Variants in FSTL4 observed in about 807,000 individuals in gnomAD.
FSTL4 encodes follistatin like 4, also known as follistatin-related protein 4.
In FSTL4, 28 loss-of-function variants were observed where a neutral mutation model predicts 78.2. The ratio of observed to expected loss-of-function variants is 0.36; its 90% CI spans 0.27 to 0.49. The LOEUF (loss-of-function observed/expected upper bound fraction) is 0.49, where lower values mean the gene tolerates loss of function less well. Ranked by LOEUF, FSTL4 falls within the 20% of genes least tolerant of loss-of-function variation. The probability of loss-of-function intolerance (pLI) is 0.98; values close to 1 mark genes in which losing one functional copy is unlikely to be tolerated. For synonymous variants in FSTL4, 422 were observed against 440.5 expected, an observed-to-expected ratio of 0.96 and a Z score of 0.53; for missense variants, 922 against 1,084.9, an observed-to-expected ratio of 0.85 and a Z score of 2.11.
At chr5:133,691,646 G>A in the FSTL4 span, among the ~76,000 whole-genome samples, 12 of 152,198 alleles carry the variant, frequency 7.9e-5, no homozygotes, top group South Asian at 2.5e-3. Flanking sequence ...ATTCATCCCT[G>A]TAGGACTGAA....
At chr5:133,770,841 AG>A in the FSTL4 span, among the ~76,000 whole-genome samples, 2 of 152,068 alleles carry the variant, frequency 1.3e-5, no homozygotes, top group Non-Finnish European at 2.9e-5. Context: ...GTTTTCTTCT[AG>A]GATTTTTACA....
chr5:133,427,760 G>T (rs1041155000), intron 3 of FSTL4: 3 of 487,450 alleles, frequency 6.2e-6, no homozygotes, highest in Non-Finnish European at 8.9e-6. Context: ...AAGCCCTACA[G>T]GGTTGCAACT....
intron 12 of FSTL4, among the ~76,000 whole-genome samples, chr5:133,220,266 G>A (rs1751049096): frequency 6.6e-6 from 1 of 152,258 alleles, no homozygotes; most frequent in South Asian, 2.1e-4. Flanking sequence ...ACAAGCCAGA[G>A]GAACAGAGGC....
chr5:133,637,910 C>G, the FSTL4 span, among the ~76,000 whole-genome samples: 1 of 151,316 alleles, frequency 6.6e-6, no homozygotes, highest in Non-Finnish European at 1.5e-5. Flanking sequence ...CACTGCACTC[C>G]AGCCTGGGTG....
the FSTL4 span, among the ~76,000 whole-genome samples, chr5:133,736,344 C>G: frequency 6.6e-6 from 1 of 152,144 alleles, no homozygotes; most frequent in Non-Finnish European, 1.5e-5. Context: ...ACAACCCACT[C>G]CCATGGATAC....
At chr5:133,639,046 G>A in the FSTL4 span, among the ~76,000 whole-genome samples, 1 of 152,158 alleles carries the variant, frequency 6.6e-6, no homozygotes, top group Non-Finnish European at 1.5e-5. Context: ...CATGTGCCAT[G>A]GTGGTTTGCT....
chr5:133,323,403 G>C (rs1222842354), intron 4 of FSTL4, among the ~76,000 whole-genome samples: 1 of 152,236 alleles, frequency 6.6e-6, no homozygotes, highest in African/African-American at 2.4e-5. Flanking sequence ...AGCCCCAAGG[G>C]AGGGGTATGG....
At chr5:133,245,675 C>G (rs1266297991) in intron 7 of FSTL4, among the ~76,000 whole-genome samples, 1 of 152,162 alleles carries the variant, frequency 6.6e-6, no homozygotes, top group East Asian at 1.9e-4. Flanking sequence ...AGGCACTTAG[C>G]AAGTGAGTCA....
the FSTL4 span, among the ~76,000 whole-genome samples, chr5:133,714,466 G>T: frequency 2.2e-4 from 34 of 152,222 alleles, 1 homozygote; most frequent in Admixed American, 2.6e-4. Flanking sequence ...AGGAAGATGA[G>T]AGCTCTGCAG....
chr5:133,288,590 G>C (rs1561658036), intron 6 of FSTL4, among the ~76,000 whole-genome samples: 2 of 152,270 alleles, frequency 1.3e-5, no homozygotes, highest in Non-Finnish European at 2.9e-5. Flanking sequence ...CCCCCAGCAA[G>C]AAACTCATCA....
intron 3 of FSTL4, among the ~76,000 whole-genome samples, chr5:133,490,605 T>G (rs1385435800): frequency 2.6e-5 from 4 of 152,350 alleles, no homozygotes; most frequent in Admixed American, 6.5e-5. Flanking sequence ...TTCTAAACTT[T>G]CAGCGATTTC....
intron 3 of FSTL4, among the ~76,000 whole-genome samples, chr5:133,526,066 A>G (rs1187866912): frequency 6.6e-6 from 1 of 152,200 alleles, no homozygotes; most frequent in Non-Finnish European, 1.5e-5. Flanking sequence ...GGCCCTGAGG[A>G]AAGCACGACT....
chr5:133,349,480 T>C (rs969328286), intron 4 of FSTL4, among the ~76,000 whole-genome samples: 9 of 152,226 alleles, frequency 5.9e-5, no homozygotes, highest in Admixed American at 3.9e-4. Flanking sequence ...CCAAATGTCA[T>C]GCTGCCATGT....
At chr5:133,652,545 T>C in the FSTL4 span, among the ~76,000 whole-genome samples, 1 of 152,224 alleles carries the variant, frequency 6.6e-6, no homozygotes, top group Non-Finnish European at 1.5e-5. Flanking sequence ...AATTTCACAG[T>C]ATTTGGGGAT....
In FSTL4 at chr5:133,233,400, T is replaced by G. The variant is rs1392877663; in HGVS notation, c.1015+17A>C. 1.2e-6 allele frequency: 2 copies of G among 1,613,862 alleles called. No homozygotes were observed. The highest frequency in any genetic ancestry group is 1.7e-5 in the Admixed American group (1 of 60,028). ...GGAGGCTATGAGGGGACAACATGCATGGAGCCATTTACTAACCATTCACCT... is the reference window on the plus strand; with the variant it reads ...GGAGGCTATGAGGGGACAACATGCAGGGAGCCATTTACTAACCATTCACCT... On this transcript the variant is annotated intron_variant, in intron 8 of 15. Coordinates refer to ENST00000265342, the MANE Select transcript of FSTL4 (RefSeq NM_015082.2).
chr5:133,701,511 C>CACCCCCA, the FSTL4 span, among the ~76,000 whole-genome samples: 1 of 63,518 alleles, frequency 1.6e-5, no homozygotes, highest in Non-Finnish European at 3.5e-5. Flanking sequence ...ACACACACAC[C>CACCCCCA]CCACAGGCCA....
At chr5:133,556,911 T>C (rs1398485610) in intron 3 of FSTL4, among the ~76,000 whole-genome samples, 2 of 152,226 alleles carry the variant, frequency 1.3e-5, no homozygotes, top group African/African-American at 4.8e-5. Flanking sequence ...CACTTTTCTC[T>C]CTATTTTGGG....
At chr5:133,246,640 C>G (rs1334645410) in intron 7 of FSTL4, 1 of 152,206 alleles carries the variant, frequency 6.6e-6, no homozygotes, top group Non-Finnish European at 1.5e-5. Flanking sequence ...ACAGTGAGAC[C>G]TCCGTCCCCA....
At chr5:133,513,629 G>A (rs890976890) in intron 3 of FSTL4, among the ~76,000 whole-genome samples, 6 of 152,140 alleles carry the variant, frequency 3.9e-5, no homozygotes, top group Non-Finnish European at 7.3e-5. Flanking sequence ...ATGGACAGAC[G>A]GCAAGGACAA....
Sources: gnomAD v4.1 joint callset for allele counts (sites outside exome capture counted in the v4.1 genomes callset) on GRCh38, gnomAD v4.1.1 for gene constraint, MANE v1.5 for transcripts, NCBI Gene and HGNC (gene_info 2026-07-23, HGNC 2026-07-21) for gene names.